The following SDK1 variants were observed in gnomAD, a reference collection of about 807,000 sequenced individuals.
SDK1 encodes the protein sidekick cell adhesion molecule 1.
In SDK1, 157 loss-of-function variants were observed where a neutral mutation model predicts 245.5. The ratio of observed to expected loss-of-function variants is 0.64; its 90% CI spans 0.56 to 0.73. SDK1 has a LOEUF of 0.73. Ranked by LOEUF, SDK1 falls within the 30% of genes least tolerant of loss-of-function variation. The pLI is 0.00. For missense variants in SDK1, 3,583 were observed against 3,002.3 expected (o/e 1.19, Z -4.52); for synonymous variants, 1,647 against 1,278.5 (o/e 1.29, Z -6.15).
chr7:3,862,546 A>G (rs1780719604), intron 5 of SDK1, among the ~76,000 whole-genome samples: 1 of 152,190 alleles, frequency 6.6e-6, no homozygotes, highest in Non-Finnish European at 1.5e-5. Context: ...TTCTCAGATA[A>G]TGCTTCCTAA....
At chr7:3,326,565 G>C (rs887693683) in intron 1 of SDK1, among the ~76,000 whole-genome samples, 1 of 152,048 alleles carries the variant, frequency 6.6e-6, no homozygotes, top group Non-Finnish European at 1.5e-5. Flanking sequence ...CTTGTTTCCC[G>C]CCACAGAGCT....
intron 5 of SDK1, among the ~76,000 whole-genome samples, chr7:3,906,397 T>TGA (rs748125738): frequency 1.1e-4 from 16 of 145,832 alleles, no homozygotes; most frequent in Middle Eastern, 3.4e-3. Flanking sequence ...TGTGTGTGTG[T>TGA]GTGAGAGAGA....
intron 17 of SDK1, among the ~76,000 whole-genome samples, chr7:4,024,964 T>C (rs1787220581): frequency 1.3e-5 from 2 of 152,002 alleles, no homozygotes; most frequent in Non-Finnish European, 2.9e-5. Context: ...GGGTTTGCAG[T>C]GGTTTCTGAG....
At chr7:3,573,530 C>T (rs1780183509) in intron 1 of SDK1, among the ~76,000 whole-genome samples, 1 of 152,124 alleles carries the variant, frequency 6.6e-6, no homozygotes, top group South Asian at 2.1e-4. Flanking sequence ...CAACAGCCTC[C>T]ACGTGTGCAC....
chr7:3,999,793 A>T (rs374652417), intron 14 of SDK1, among the ~76,000 whole-genome samples: 6 of 152,242 alleles, frequency 3.9e-5, no homozygotes, highest in African/African-American at 9.6e-5. Context: ...CTGGAGAAAT[A>T]GTAGATGATG....
At chr7:3,356,070 T>G (rs964944851) in intron 1 of SDK1, among the ~76,000 whole-genome samples, 14 of 152,224 alleles carry the variant, frequency 9.2e-5, no homozygotes, top group African/African-American at 2.9e-4. Context: ...AAAAGGAAGT[T>G]TCACAGCCTT....
At chr7:3,541,373 T>C (rs1779049021) in intron 1 of SDK1, among the ~76,000 whole-genome samples, 1 of 152,204 alleles carries the variant, frequency 6.6e-6, no homozygotes, top group Admixed American at 6.5e-5. Context: ...GAGGGCGTAA[T>C]CTAAGCCATA....
chr7:3,771,823 A>G (rs1780412524), intron 4 of SDK1, among the ~76,000 whole-genome samples: 1 of 152,164 alleles, frequency 6.6e-6, no homozygotes, highest in Admixed American at 6.5e-5. Flanking sequence ...GTACGTTCAT[A>G]TTGTTGTACA....
intron 4 of SDK1, among the ~76,000 whole-genome samples, chr7:3,760,031 AT>A (rs1299988067): frequency 2.0e-5 from 3 of 150,410 alleles, no homozygotes; most frequent in South Asian, 2.1e-4. Flanking sequence ...TGTTTTATGT[AT>A]TTTTTTTTCA....
intron 1 of SDK1, among the ~76,000 whole-genome samples, chr7:3,467,636 A>G (rs1781049250): frequency 6.6e-6 from 1 of 152,078 alleles, no homozygotes; most frequent in East Asian, 1.9e-4. Flanking sequence ...TGCAGCTATT[A>G]AATTTTCTTA....
intron 29 of SDK1, 83 bp from the exon 30 acceptor site, chr7:4,149,179 G>A (rs1469437079): frequency 8.4e-7 from 1 of 1,185,000 alleles, no homozygotes; most frequent in Non-Finnish European, 1.1e-6. Flanking sequence ...AGTCAGCCCT[G>A]TACAGCAGCG....
chr7:3,841,807 C>G (rs1297304676), intron 5 of SDK1, among the ~76,000 whole-genome samples: 2 of 152,120 alleles, frequency 1.3e-5, no homozygotes, highest in African/African-American at 4.8e-5. Flanking sequence ...AGGTGATCCA[C>G]CTACCTCAGC....
chr7:4,081,959 T>G (rs2128179618), intron 22 of SDK1, among the ~76,000 whole-genome samples: 1 of 152,334 alleles, frequency 6.6e-6, no homozygotes, highest in South Asian at 2.1e-4. Flanking sequence ...TGGATGAATT[T>G]CACAGGCATA....
intron 4 of SDK1, among the ~76,000 whole-genome samples, chr7:3,807,100 G>T (rs906557845): frequency 6.6e-6 from 1 of 151,944 alleles, no homozygotes; most frequent in Non-Finnish European, 1.5e-5. Flanking sequence ...AGCCTTACCT[G>T]GGAAAGTCCA....
chr7:3,984,231 G>A (rs1783645823), intron 13 of SDK1, among the ~76,000 whole-genome samples: 1 of 152,064 alleles, frequency 6.6e-6, no homozygotes, highest in Admixed American at 6.5e-5. Context: ...GCATATTCCA[G>A]GGACTGTGAG....
chr7:3,372,542 A>G (rs965001503), intron 1 of SDK1, among the ~76,000 whole-genome samples: 2 of 152,192 alleles, frequency 1.3e-5, no homozygotes, highest in African/African-American at 4.8e-5. Flanking sequence ...GGACAATTCA[A>G]TACCTCAGGA....
chr7:3,732,839 T>C (rs550056462), intron 4 of SDK1, among the ~76,000 whole-genome samples: 1 of 152,336 alleles, frequency 6.6e-6, no homozygotes, highest in Non-Finnish European at 1.5e-5. Context: ...GCAGGTGTGG[T>C]GACTAGATTA....
At chr7:3,786,044 C>G (rs1369255145) in intron 4 of SDK1, among the ~76,000 whole-genome samples, 8 of 152,140 alleles carry the variant, frequency 5.3e-5, no homozygotes, top group Admixed American at 5.2e-4. Flanking sequence ...CAAATGTGGT[C>G]TCTTTGAACA....
intron 1 of SDK1, among the ~76,000 whole-genome samples, chr7:3,503,893 C>T (rs374886120): frequency 1.5e-4 from 22 of 151,654 alleles, no homozygotes; most frequent in African/African-American, 4.8e-4. Context: ...GGCTCATGCC[C>T]GTAATCCTAG....
Sources: gnomAD v4.1 joint callset for allele counts (sites outside exome capture counted in the v4.1 genomes callset) on GRCh38, gnomAD v4.1.1 for gene constraint, MANE v1.5 for transcripts, NCBI Gene and HGNC (gene_info 2026-07-23, HGNC 2026-07-21) for gene names.